Variants in ZDHHC21 observed in about 807,000 individuals in gnomAD.
ZDHHC21 encodes the protein zDHHC palmitoyltransferase 21.
ZDHHC21 carries 15 observed loss-of-function variants against 34.6 expected under a neutral mutation model. That is an observed-to-expected ratio of 0.43 (90% CI 0.29 to 0.67). ZDHHC21 has a LOEUF of 0.67. Ranked by LOEUF, ZDHHC21 falls within the 30% of genes least tolerant of loss-of-function variation. The pLI is 0.14. For missense variants in ZDHHC21, 344 were observed against 327.7 expected (o/e 1.05, Z -0.38); for synonymous variants, 142 against 101.8 (o/e 1.40, Z -2.38).
At chr9:14,589,526 T>C in the ZDHHC21 span, 1 of 152,016 alleles carries the variant, frequency 6.6e-6, no homozygotes, top group African/African-American at 2.4e-5. Context: ...CAAAGGAAGG[T>C]ATCCTGCAGA....
intron 6 of ZDHHC21, among the ~76,000 whole-genome samples, chr9:14,660,429 G>C (rs1407455408): frequency 7.2e-6 from 1 of 139,102 alleles, no homozygotes; most frequent in East Asian, 2.2e-4. Flanking sequence ...AAAACCTTGA[G>C]GCAACGTGAG....
rs181884972 is a variant in ZDHHC21 at position 14,612,979 on chromosome 9, T to C, written c.*5987A>G. On this transcript the variant is annotated 3_prime_UTR_variant, in exon 10 of 10. Coordinates refer to ENST00000380916, the MANE Select transcript of ZDHHC21 (RefSeq NM_178566.6). ...TGCCCAATAAGCTATATAGTTCATT[T>C]ATATAAATTAGAGTTCTTACCTTTT... The C allele has an allele frequency of 7.4e-4, 113 of 151,982 alleles. No homozygotes were observed. The highest frequency in any genetic ancestry group is 2.6e-3 in the African/African-American group (110 of 41,518). The allele number at this position is 151,982 out of a possible 1,614,324, so 9.4% of individuals were successfully genotyped here. A position where few individuals can be genotyped will look rare whatever the true frequency, so the allele number is the denominator to read the frequency against.
chr9:14,686,887 C>T lies in ZDHHC21; in HGVS notation c.-176+3450G>A, dbSNP rs540567246. On this transcript the variant is annotated intron_variant, in intron 2 of 9. Transcript: ENST00000380916. ...ACTTAGGAGGTTAAGGCACGAGAAT[C>T]GTTTCAACCCAAGAGGCAGAGGTTG... is the stretch of plus-strand genomic sequence containing the variant. Among the ~76,000 whole-genome samples the T allele has an allele frequency of 4.0e-5, 6 of 149,770 alleles. 1 individual carries two copies. The highest frequency in any genetic ancestry group is 8.8e-5 in the Non-Finnish European group (6 of 67,956).
At chr9:14,628,010 C>T (rs1826606441) in intron 8 of ZDHHC21, among the ~76,000 whole-genome samples, 1 of 152,018 alleles carries the variant, frequency 6.6e-6, no homozygotes, top group African/African-American at 2.4e-5. Flanking sequence ...AAAAATGCCT[C>T]GAAGTAGACT....
At chr9:14,639,710 G>T (rs918461373) in intron 8 of ZDHHC21, among the ~76,000 whole-genome samples, 186 bp downstream of exon 8, 1 of 151,872 alleles carries the variant, frequency 6.6e-6, no homozygotes, top group African/African-American at 2.4e-5. Context: ...TTAAAAACAG[G>T]ATACAAAATT....
At position 14,672,723 on chromosome 9, in the gene ZDHHC21, T is replaced by A. The variant is rs978261710; in HGVS notation, c.253+107A>T. On this transcript the variant is annotated intron_variant, in intron 5 of 9. Transcript: ENST00000380916. ...ACACATACAAGCAAAGACATCAAAG[T>A]GGTGTTAGATGACATTTATAACCAA... 3.0e-5 allele frequency: 21 copies of A among 691,874 alleles called. No individual in the cohort carries two copies. In the African/African-American group the frequency reaches 3.3e-4, roughly 11 times the overall value. The allele number at this position is 691,874 out of a possible 1,614,324, so 42.9% of individuals were successfully genotyped here. A position where few individuals can be genotyped will look rare whatever the true frequency, so the allele number is the denominator to read the frequency against.
At chr9:14,625,103 AT>A (rs147072484) in intron 8 of ZDHHC21, among the ~76,000 whole-genome samples, 17,137 of 151,964 alleles carry the variant, frequency 0.11, 1,049 homozygotes, top group Non-Finnish European at 0.14. Context: ...TTAACTTTAA[AT>A]TTTTCCATAG....
chr9:14,610,795 G>A (rs943489537), downstream of ZDHHC21, among the ~76,000 whole-genome samples: 15 of 152,106 alleles, frequency 9.9e-5, 1 homozygote, highest in African/African-American at 3.6e-4. Context: ...TAAATTGGGT[G>A]ACTGAATCCA....
At chr9:14,651,400 A>G (rs985684569) in intron 7 of ZDHHC21, among the ~76,000 whole-genome samples, 18 of 151,882 alleles carry the variant, frequency 1.2e-4, no homozygotes, top group Non-Finnish European at 2.5e-4. Flanking sequence ...AGGATTTAGT[A>G]ATAGCAAGCA....
chr9:14,685,622 C>T (rs1035313755), intron 2 of ZDHHC21, among the ~76,000 whole-genome samples: 12 of 152,310 alleles, frequency 7.9e-5, no homozygotes, highest in African/African-American at 2.6e-4. Flanking sequence ...TAAACTAGTT[C>T]AACCATTGTG....
downstream of ZDHHC21, among the ~76,000 whole-genome samples, chr9:14,610,103 T>C (rs2133353334): frequency 6.6e-6 from 1 of 152,150 alleles, no homozygotes; most frequent in South Asian, 2.1e-4. Context: ...TTAAATTTTT[T>C]CCCATTTTGT....
chr9:14,650,117 G>T (rs1830968872), intron 7 of ZDHHC21, among the ~76,000 whole-genome samples: 1 of 151,948 alleles, frequency 6.6e-6, no homozygotes, highest in Admixed American at 6.6e-5. Flanking sequence ...ACAGGATTAA[G>T]ATTTATTATA....
At chr9:14,676,811 G>C (rs530379081) in intron 3 of ZDHHC21, among the ~76,000 whole-genome samples, 2 of 152,062 alleles carry the variant, frequency 1.3e-5, no homozygotes, top group East Asian at 3.9e-4. Flanking sequence ...TCAAGACAAT[G>C]TTAATTTTTT....
chr9:14,626,482 G>C (rs1361598086), intron 8 of ZDHHC21, among the ~76,000 whole-genome samples: 1 of 151,798 alleles, frequency 6.6e-6, no homozygotes, highest in East Asian at 1.9e-4. Context: ...ATAAATTATA[G>C]AAAAAGATTT....
the ZDHHC21 span, chr9:14,589,289 T>C: frequency 1.3e-5 from 2 of 152,074 alleles, no homozygotes; most frequent in Non-Finnish European, 2.9e-5. Context: ...CAAGAAAGAA[T>C]TGGAGAAAAT....
chr9:14,594,965 ACCGCAATGAAATG>A, the ZDHHC21 span, among the ~76,000 whole-genome samples: 1 of 152,172 alleles, frequency 6.6e-6, no homozygotes, highest in South Asian at 2.1e-4. Flanking sequence ...TCAAATTAAA[ACCGCAATGAAATG>A]CCACTACATA....
chr9:14,672,674 T>C (rs1358140415), intron 5 of ZDHHC21, among the ~76,000 whole-genome samples, 156 bp downstream of exon 5: 2 of 151,924 alleles, frequency 1.3e-5, no homozygotes, highest in Non-Finnish European at 2.9e-5. Context: ...GGGTTGCAAT[T>C]TTAAGTAGAG....
chr9:14,597,015 T>G, the ZDHHC21 span, among the ~76,000 whole-genome samples: 2 of 152,104 alleles, frequency 1.3e-5, no homozygotes, highest in Non-Finnish European at 2.9e-5. Flanking sequence ...GATCCCCCAG[T>G]ACACTTTTCC....
intron 7 of ZDHHC21, among the ~76,000 whole-genome samples, chr9:14,645,817 G>A (rs186603200): frequency 3.9e-5 from 6 of 152,172 alleles, no homozygotes; most frequent in Admixed American, 3.3e-4. Flanking sequence ...ATGAAAAGAG[G>A]TTCAGTATCA....
Sources: allele counts gnomAD v4.1 joint callset (sites outside exome capture counted in the v4.1 genomes callset), GRCh38; gene constraint gnomAD v4.1.1; transcripts MANE v1.5; gene names NCBI Gene and HGNC (gene_info 2026-07-23, HGNC 2026-07-21).